The following GALNT9 variants were observed in gnomAD, a reference collection of about 807,000 sequenced individuals.
GALNT9 encodes polypeptide N-acetylgalactosaminyltransferase 9.
GALNT9 carries 47 observed loss-of-function variants against 63.1 expected under a neutral mutation model. The ratio of observed to expected loss-of-function variants is 0.75; its 90% CI spans 0.59 to 0.95. The LOEUF is 0.95. Among genes scored for constraint, GALNT9 ranks in the 40% least tolerant of loss-of-function variants. The probability of loss-of-function intolerance (pLI) is 0.00; values close to 1 mark genes in which losing one functional copy is unlikely to be tolerated. For synonymous variants in GALNT9, 396 were observed against 365.7 expected (o/e 1.08, Z -0.94); for missense variants, 829 against 874.8 (o/e 0.95, Z 0.66).
At chr12:132,268,349 G>T (rs906921672) in intron 2 of GALNT9, among the ~76,000 whole-genome samples, 1 of 152,086 alleles carries the variant, frequency 6.6e-6, no homozygotes, top group Admixed American at 6.5e-5. Flanking sequence ...TCTTATTCTG[G>T]ATAAATGAAT....
At chr12:132,240,118 T>C (rs2136897814) in intron 6 of GALNT9, among the ~76,000 whole-genome samples, 1 of 152,162 alleles carries the variant, frequency 6.6e-6, no homozygotes, top group African/African-American at 2.4e-5. Flanking sequence ...TCTTAAATCA[T>C]TGCTGTTTAA....
At chr12:132,320,284 G>T (rs1434301330) in intron 1 of GALNT9, among the ~76,000 whole-genome samples, 1 of 152,204 alleles carries the variant, frequency 6.6e-6, no homozygotes, top group Non-Finnish European at 1.5e-5. Flanking sequence ...GTGCAGAGCC[G>T]GGACCTCACT....
intron 1 of GALNT9, among the ~76,000 whole-genome samples, chr12:132,298,262 G>A (rs891599300): frequency 6.6e-6 from 1 of 151,466 alleles, no homozygotes; most frequent in Non-Finnish European, 1.5e-5. Context: ...AGACAACCAA[G>A]TCACTCCTGA....
At chr12:132,250,919 C>T (rs894984469) in intron 5 of GALNT9, among the ~76,000 whole-genome samples, 3 of 152,218 alleles carry the variant, frequency 2.0e-5, no homozygotes, top group Non-Finnish European at 2.9e-5. Context: ...CGCCTGCACA[C>T]GTGCACAGGG....
chr12:132,208,099 T>G (rs1876802162), intron 6 of GALNT9, among the ~76,000 whole-genome samples: 1 of 152,224 alleles, frequency 6.6e-6, no homozygotes, highest in East Asian at 1.9e-4. Flanking sequence ...AGGGAGAATT[T>G]AAAGGCTCTC....
chr12:132,306,682 C>T (rs535701643), intron 1 of GALNT9, among the ~76,000 whole-genome samples: 18 of 152,268 alleles, frequency 1.2e-4, no homozygotes, highest in South Asian at 2.1e-4. Context: ...CCAGGGACAC[C>T]GCTTGGTTTT....
chr12:132,295,058 C>T (rs1015842215), intron 1 of GALNT9, among the ~76,000 whole-genome samples: 5 of 152,252 alleles, frequency 3.3e-5, no homozygotes, highest in Non-Finnish European at 5.9e-5. Context: ...TCCCTCTAAA[C>T]GCACTGTGGG....
Position 132,261,076 on chromosome 12 carries a change from T to C in GALNT9, c.633A>G (p.Pro211=). 1 of 1,551,620 alleles carries C rather than the reference T, an allele frequency of 6.4e-7. No individual in the cohort carries two copies. The highest frequency in any genetic ancestry group is 2.0e-5 in the Admixed American group (1 of 50,978). Residue 211 remains proline (P), a synonymous_variant, in exon 4 of 11, where the codon CCA becomes CCG. Transcript: ENST00000328957. ...NLDQYVNKRY[P]GLVKIVRNSR... ...TGTTGCGGACAATCTTCACGAGGCC[T>C]GGGTACCGCTTGTTGACGTACTGGT...
chr12:132,209,023 G>A (rs1050326524), intron 6 of GALNT9, among the ~76,000 whole-genome samples: 6 of 152,160 alleles, frequency 3.9e-5, no homozygotes, highest in African/African-American at 9.7e-5. Flanking sequence ...GATGCCTGTG[G>A]TCACCCCCGT....
intron 6 of GALNT9, chr12:132,205,763 C>CG (rs1876649089): frequency 6.6e-6 from 1 of 152,350 alleles, no homozygotes; most frequent in Non-Finnish European, 1.5e-5. Context: ...CCCCCTGAGC[C>CG]GGGGCTTCCT....
At chr12:132,225,856 CA>C (rs1877654518) in intron 6 of GALNT9, among the ~76,000 whole-genome samples, 1 of 148,040 alleles carries the variant, frequency 6.8e-6, no homozygotes, top group Admixed American at 6.7e-5. Context: ...ACACCCCACA[CA>C]CTGTGTATAC....
At chr12:132,207,329 AG>A (rs1470210720) in intron 6 of GALNT9, among the ~76,000 whole-genome samples, 1 of 152,208 alleles carries the variant, frequency 6.6e-6, no homozygotes, top group Non-Finnish European at 1.5e-5. Context: ...GGCACACAGT[AG>A]GTGCTTGATA....
At chr12:132,217,936 C>CACCCACCCACTCACCACTCATCCTTCT (rs1877285795) in intron 6 of GALNT9, among the ~76,000 whole-genome samples, 1 of 150,948 alleles carries the variant, frequency 6.6e-6, no homozygotes, top group African/African-American at 2.5e-5. Flanking sequence ...TCCATTCATC[C>CACCCACCCACTCACCACTCATCCTTCT]ACCCACCCAC....
intron 1 of GALNT9, among the ~76,000 whole-genome samples, chr12:132,314,228 C>T (rs1037745249): frequency 1.3e-5 from 2 of 150,446 alleles, no homozygotes; most frequent in Non-Finnish European, 3.0e-5. Context: ...ATCCACCCAC[C>T]GACCCATCCC....
intron 6 of GALNT9, among the ~76,000 whole-genome samples, chr12:132,222,185 G>A (rs1008102251): frequency 6.6e-6 from 1 of 152,236 alleles, no homozygotes; most frequent in East Asian, 1.9e-4. Context: ...ACGGATGAAG[G>A]CTTTTAATTT....
At chr12:132,240,731 G>A (rs1256833598) in intron 6 of GALNT9, 4 of 455,684 alleles carry the variant, frequency 8.8e-6, no homozygotes, top group Non-Finnish European at 1.8e-5. Context: ...TCTGTTTCCT[G>A]GGAAGTTACC....
chr12:132,262,998 G>A (rs782254861), intron 2 of GALNT9, among the ~76,000 whole-genome samples: 2 of 152,228 alleles, frequency 1.3e-5, no homozygotes, highest in East Asian at 1.9e-4. Flanking sequence ...CAGCGACCCC[G>A]AGAGGAGATG....
chr12:132,303,668 C>A (rs1366464622), intron 1 of GALNT9, among the ~76,000 whole-genome samples: 1 of 82,398 alleles, frequency 1.2e-5, no homozygotes, highest in Non-Finnish European at 2.3e-5. Flanking sequence ...CACACCCTCA[C>A]CCGGGCACAG....
chr12:132,321,227 G>A (rs1555246117), intron 1 of GALNT9, among the ~76,000 whole-genome samples: 1 of 151,058 alleles, frequency 6.6e-6, no homozygotes, highest in Non-Finnish European at 1.5e-5. Flanking sequence ...TGTGGGTCTG[G>A]AGTCGAGGCC....
Sources: allele counts gnomAD v4.1 joint callset (sites outside exome capture counted in the v4.1 genomes callset), GRCh38; gene constraint gnomAD v4.1.1; transcripts MANE v1.5; gene names NCBI Gene and HGNC (gene_info 2026-07-23, HGNC 2026-07-21).